The following FRMD6 variants were observed in gnomAD, a reference collection of about 807,000 sequenced individuals.
FRMD6 encodes the protein FERM domain containing 6, also known as FERM domain-containing protein 6.
FRMD6 carries 37 observed loss-of-function variants against 73.2 expected under a neutral mutation model. The observed-to-expected ratio is 0.51, with a 90% confidence interval of 0.39 to 0.66. The LOEUF (loss-of-function observed/expected upper bound fraction) is 0.66, where lower values mean the gene tolerates loss of function less well. Ranked by LOEUF, FRMD6 falls within the 30% of genes least tolerant of loss-of-function variation. The pLI is 0.00. For synonymous variants in FRMD6, 273 were observed against 282.2 expected (o/e 0.97, Z 0.33); for missense variants, 714 against 780.5 (o/e 0.91, Z 1.02).
At chr14:51,500,044 C>T (rs574193924) in intron 1 of FRMD6, among the ~76,000 whole-genome samples, 2 of 152,110 alleles carry the variant, frequency 1.3e-5, no homozygotes, top group Non-Finnish European at 2.9e-5. Context: ...TCAAGACTTA[C>T]GATTTTGCGA....
chr14:51,639,444 A>AT (rs1491352515), intron 2 of FRMD6, among the ~76,000 whole-genome samples: 7 of 151,826 alleles, frequency 4.6e-5, no homozygotes, highest in Admixed American at 4.0e-4. Flanking sequence ...CAAAAAAAAA[A>AT]AATAATTATT....
At chr14:51,707,936 A>G (rs1466729130) in intron 6 of FRMD6, 142 bp from the exon 7 acceptor site, 10 of 695,790 alleles carry the variant, frequency 1.4e-5, no homozygotes, top group Non-Finnish European at 2.4e-5. Context: ...ACAGATGGTG[A>G]AAACAGAATG....
chr14:51,587,742 T>C (rs561472021), intron 2 of FRMD6, among the ~76,000 whole-genome samples: 49 of 152,332 alleles, frequency 3.2e-4, no homozygotes, highest in African/African-American at 9.6e-4. Context: ...AGTGTTTTGC[T>C]TTGAATAGTT....
intron 1 of FRMD6, among the ~76,000 whole-genome samples, chr14:51,527,055 T>A (rs1885295955): frequency 6.6e-6 from 1 of 152,242 alleles, no homozygotes; most frequent in African/African-American, 2.4e-5. Context: ...CCCCTGCCCA[T>A]GGGTAAAGTA....
the FRMD6 span, among the ~76,000 whole-genome samples, chr14:51,456,043 C>T: frequency 4.6e-5 from 7 of 152,242 alleles, no homozygotes; most frequent in East Asian, 5.8e-4. Context: ...TGCATCCAGA[C>T]GCGGATAAAG....
At chr14:51,406,989 T>C in the FRMD6 span, among the ~76,000 whole-genome samples, 17 of 152,142 alleles carry the variant, frequency 1.1e-4, no homozygotes, top group Non-Finnish European at 2.4e-4. Context: ...GATAAACTGT[T>C]ACTAGTTCTA....
At position 51,704,846 on chromosome 14, in the gene FRMD6, G is replaced by A. The variant is rs766874901; in HGVS notation, c.469G>A (p.Ala157Thr). Residue 157 changes from alanine (A) to threonine (T), a missense_variant, in exon 6 of 14, where the codon GCC (alanine) becomes ACC (threonine). Transcript: ENST00000344768. Reference protein sequence around the residue: ...LREEAYFLLAAFALQADLGNF... With the variant: ...LREEAYFLLATFALQADLGNF... ...AGAGGAGGCCTACTTCCTGCTGGCA[G>A]CCTTTGCCCTGCAGGCTGATCTTGG... The A allele has an allele frequency of 6.2e-7, 1 of 1,613,368 alleles. No homozygotes were observed. Among genetic ancestry groups the A allele is most frequent in the African/African-American group, 1.3e-5 (1 of 74,990 alleles).
chr14:51,411,278 C>T, the FRMD6 span, among the ~76,000 whole-genome samples: 1 of 152,078 alleles, frequency 6.6e-6, no homozygotes, highest in Non-Finnish European at 1.5e-5. Flanking sequence ...AAGAGCAGAA[C>T]TGAAAAGTCA....
chr14:51,631,563 T>C (rs1891337635), intron 2 of FRMD6, among the ~76,000 whole-genome samples: 1 of 152,210 alleles, frequency 6.6e-6, no homozygotes, highest in South Asian at 2.1e-4. Flanking sequence ...GGACAGAGAA[T>C]GGGAGGTGCA....
In FRMD6 at chr14:51,699,107, T is replaced by G. The variant is rs1314121022; in HGVS notation, c.190+875T>G. Among the ~76,000 whole-genome samples, 3 of 152,092 alleles carry G rather than the reference T, an allele frequency of 2.0e-5. No individual in the cohort carries two copies. In the East Asian group the frequency reaches 5.8e-4, roughly 29 times the overall value. On this transcript the variant is annotated intron_variant, in intron 3 of 13. Coordinates refer to ENST00000344768, the MANE Select transcript of FRMD6 (RefSeq NM_001267046.2). Reference sequence around the variant, plus strand: ...TACACCTGCCAAGTTGGAAAGGATATCAGTATAAAGTTGGTCAGCTGATAA... The same window carrying G: ...TACACCTGCCAAGTTGGAAAGGATAGCAGTATAAAGTTGGTCAGCTGATAA...
chr14:51,631,221 AC>A (rs1296861786), intron 2 of FRMD6, among the ~76,000 whole-genome samples: 2 of 152,154 alleles, frequency 1.3e-5, no homozygotes, highest in African/African-American at 4.8e-5. Context: ...GCCACCCACC[AC>A]CACCTGGTAT....
At chr14:51,533,809 C>G (rs752513586) in intron 1 of FRMD6, among the ~76,000 whole-genome samples, 1 of 152,192 alleles carries the variant, frequency 6.6e-6, no homozygotes, top group Admixed American at 6.5e-5. Context: ...TTTCAGAGAG[C>G]GTCTCTGGGT....
chr14:51,499,690 G>A (rs1210096109), intron 1 of FRMD6, among the ~76,000 whole-genome samples: 1 of 152,224 alleles, frequency 6.6e-6, no homozygotes, highest in Non-Finnish European at 1.5e-5. Flanking sequence ...AAAGCAAAGT[G>A]TGGAGTATAG....
In FRMD6 at chr14:51,711,536, A is replaced by C; in HGVS notation, c.720A>C (p.Lys240Asn). ...AVHYYRLYKD[K>N]REIEASLTLG... is the part of the protein sequence containing the mutation. The stretch of plus-strand genomic sequence containing the variant: ...ATAAAATCCTATTCCTACAGGATAA[A>C]AGGGAAATTGAAGCATCGCTGACTC... The change falls in exon 8 of 14, where the codon AAA becomes AAC. Residue 240 changes from lysine (K) to asparagine (N), a missense_variant. Coordinates refer to ENST00000344768, the MANE Select transcript of FRMD6 (RefSeq NM_001267046.2). 1 of 1,599,856 alleles carries C rather than the reference A, an allele frequency of 6.3e-7. No individual in the cohort carries two copies. Among genetic ancestry groups the C allele is most frequent in the Non-Finnish European group, 8.6e-7 (1 of 1,168,544 alleles).
At chr14:51,665,780 C>T (rs1243722527) in intron 1 of FRMD6, among the ~76,000 whole-genome samples, 4 of 152,158 alleles carry the variant, frequency 2.6e-5, no homozygotes, top group Non-Finnish European at 5.9e-5. Context: ...GGCGGTGTGT[C>T]TTTCCCGTGC....
chr14:51,651,096 A>C (rs1041581199), upstream of FRMD6: 2 of 152,534 alleles, frequency 1.3e-5, no homozygotes, highest in Non-Finnish European at 2.9e-5. Flanking sequence ...AAAATCTTCC[A>C]CTGGCCCTTT....
chr14:51,595,593 A>G (rs1236891327), intron 2 of FRMD6, among the ~76,000 whole-genome samples: 2 of 152,230 alleles, frequency 1.3e-5, no homozygotes, highest in East Asian at 3.8e-4. Flanking sequence ...CCCTGACAGC[A>G]TGAAATCCAG....
At chr14:51,411,979 ATCTT>A in the FRMD6 span, among the ~76,000 whole-genome samples, 1 of 152,156 alleles carries the variant, frequency 6.6e-6, no homozygotes, top group Non-Finnish European at 1.5e-5. Flanking sequence ...AATACTATAA[ATCTT>A]TATTTTTGGC....
At chr14:51,626,013 C>G (rs959504208) in intron 2 of FRMD6, among the ~76,000 whole-genome samples, 1 of 152,126 alleles carries the variant, frequency 6.6e-6, no homozygotes, top group Non-Finnish European at 1.5e-5. Flanking sequence ...ATAAATTGAA[C>G]AAATGAATGA....
Sources: gnomAD v4.1 joint callset for allele counts (sites outside exome capture counted in the v4.1 genomes callset) on GRCh38, gnomAD v4.1.1 for gene constraint, MANE v1.5 for transcripts, NCBI Gene and HGNC (gene_info 2026-07-23, HGNC 2026-07-21) for gene names.